Variants in CLSTN2 observed in about 807,000 individuals in gnomAD.
CLSTN2 encodes the protein calsyntenin 2.
In CLSTN2, 48 loss-of-function variants were observed where a neutral mutation model predicts 101.2. That is an observed-to-expected ratio of 0.47 (90% CI 0.38 to 0.60). CLSTN2 has a LOEUF of 0.60. Among genes scored for constraint, CLSTN2 ranks in the 20% least tolerant of loss-of-function variants. The pLI, the probability that CLSTN2 is intolerant of heterozygous loss-of-function variation, is 0.00. For missense variants in CLSTN2, 1,160 were observed against 1,238.2 expected (o/e 0.94, Z 0.95); for synonymous variants, 481 against 463.6 (o/e 1.04, Z -0.48).
intron 2 of CLSTN2, among the ~76,000 whole-genome samples, chr3:140,359,009 T>C (rs1230935837): frequency 6.6e-6 from 1 of 152,122 alleles, no homozygotes; most frequent in Non-Finnish European, 1.5e-5. Flanking sequence ...CAGACATCTA[T>C]ACCAAGAGCA....
intron 1 of CLSTN2, among the ~76,000 whole-genome samples, chr3:139,997,650 C>A (rs1210876984): frequency 6.6e-6 from 1 of 152,162 alleles, no homozygotes; most frequent in African/African-American, 2.4e-5. Context: ...TCTGGTAGGG[C>A]AAATTCCTCC....
intron 1 of CLSTN2, among the ~76,000 whole-genome samples, chr3:140,052,383 C>T (rs2008013672): frequency 6.6e-6 from 1 of 152,142 alleles, no homozygotes; most frequent in Non-Finnish European, 1.5e-5. Context: ...GCCTCTAACT[C>T]CTGACCTAGT....
chr3:140,221,404 C>A (rs1461324057), intron 2 of CLSTN2, among the ~76,000 whole-genome samples: 1 of 151,996 alleles, frequency 6.6e-6, no homozygotes, highest in African/African-American at 2.4e-5. Context: ...CACCATATTA[C>A]ATTTTTAAAT....
intron 1 of CLSTN2, among the ~76,000 whole-genome samples, chr3:140,009,750 T>C (rs1201264812): frequency 1.3e-5 from 2 of 152,266 alleles, no homozygotes; most frequent in African/African-American, 4.8e-5. Context: ...TTTGCATGCT[T>C]ATCTGATCAG....
chr3:139,943,066 C>T (rs1267113930), intron 1 of CLSTN2, among the ~76,000 whole-genome samples: 1 of 152,064 alleles, frequency 6.6e-6, no homozygotes, highest in Non-Finnish European at 1.5e-5. Context: ...GATGCCGCAG[C>T]CCCATATGTC....
intron 2 of CLSTN2, among the ~76,000 whole-genome samples, chr3:140,332,887 C>G (rs1165566745): frequency 6.6e-6 from 1 of 152,138 alleles, no homozygotes; most frequent in Non-Finnish European, 1.5e-5. Context: ...AAAGAAGGCT[C>G]AGCTGAGCAG....
At chr3:140,183,524 T>C (rs1344869552) in intron 2 of CLSTN2, among the ~76,000 whole-genome samples, 5 of 152,142 alleles carry the variant, frequency 3.3e-5, no homozygotes, top group Admixed American at 6.6e-5. Context: ...TAAAACAAGA[T>C]GAAAAGTGAA....
At chr3:139,956,033 G>A (rs890168536) in intron 1 of CLSTN2, among the ~76,000 whole-genome samples, 2 of 152,160 alleles carry the variant, frequency 1.3e-5, no homozygotes, top group African/African-American at 4.8e-5. Context: ...AGCCTCTTCT[G>A]GAGATTCCTC....
chr3:140,015,612 A>T (rs1224079304), intron 1 of CLSTN2, among the ~76,000 whole-genome samples: 1 of 152,212 alleles, frequency 6.6e-6, no homozygotes, highest in African/African-American at 2.4e-5. Context: ...CTGTCAACCT[A>T]GTTGGAGGAA....
chr3:140,487,919 C>A (rs1056308564), intron 8 of CLSTN2, among the ~76,000 whole-genome samples: 6 of 152,070 alleles, frequency 3.9e-5, no homozygotes, highest in African/African-American at 1.2e-4. Context: ...AAAGTGAGCC[C>A]ACAATAGGGT....
chr3:140,399,255 C>T (rs767022264), intron 2 of CLSTN2, among the ~76,000 whole-genome samples: 5 of 152,186 alleles, frequency 3.3e-5, no homozygotes, highest in Admixed American at 6.5e-5. Context: ...ATGTATCATC[C>T]TCCCACTGCA....
intron 11 of CLSTN2, 90 bp from the exon 12 acceptor site, chr3:140,558,549 GA>G (rs957989985): frequency 7.1e-6 from 7 of 990,582 alleles, no homozygotes; most frequent in Non-Finnish European, 1.1e-5. Context: ...GCCTTGTTAA[GA>G]ACTGGAGGTG....
chr3:140,070,941 A>G (rs934613165), intron 1 of CLSTN2, among the ~76,000 whole-genome samples: 1 of 152,216 alleles, frequency 6.6e-6, no homozygotes, highest in South Asian at 2.1e-4. Context: ...TCCCTTTAAG[A>G]AAAAGTTTGC....
At chr3:140,456,911 C>T (rs72632309) in intron 6 of CLSTN2, among the ~76,000 whole-genome samples, 13,944 of 152,208 alleles carry the variant, frequency 0.092, 1,028 homozygotes, top group Admixed American at 0.23. Context: ...CCAACCTTCC[C>T]TTGATGTCAT....
At chr3:140,310,329 C>A (rs1419574202) in intron 2 of CLSTN2, among the ~76,000 whole-genome samples, 4 of 152,004 alleles carry the variant, frequency 2.6e-5, no homozygotes, top group Non-Finnish European at 5.9e-5. Context: ...ATCTCCCCAG[C>A]CTCTGTCGCA....
intron 10 of CLSTN2, among the ~76,000 whole-genome samples, chr3:140,548,220 T>C (rs958804469): frequency 2.6e-5 from 4 of 152,212 alleles, no homozygotes; most frequent in African/African-American, 4.8e-5. Context: ...TTCTGAGATA[T>C]GAAAAGAAAT....
At chr3:140,268,423 G>T (rs2086714271) in intron 2 of CLSTN2, among the ~76,000 whole-genome samples, 1 of 152,172 alleles carries the variant, frequency 6.6e-6, no homozygotes, top group East Asian at 1.9e-4. Flanking sequence ...TGTAGCAGGA[G>T]CTTGCCTATG....
intron 1 of CLSTN2, among the ~76,000 whole-genome samples, chr3:140,012,951 T>C (rs1181849470): frequency 6.6e-6 from 1 of 151,726 alleles, no homozygotes; most frequent in Non-Finnish European, 1.5e-5. Context: ...TGAGTGGCTG[T>C]TACAACTATG....
At chr3:140,367,775 G>T (rs2087808767) in intron 2 of CLSTN2, among the ~76,000 whole-genome samples, 1 of 152,130 alleles carries the variant, frequency 6.6e-6, no homozygotes, top group Non-Finnish European at 1.5e-5. Flanking sequence ...GTATAGTTGG[G>T]AACCTCTCTG....
Sources: allele counts gnomAD v4.1 joint callset (sites outside exome capture counted in the v4.1 genomes callset), GRCh38; gene constraint gnomAD v4.1.1; transcripts MANE v1.5; gene names NCBI Gene and HGNC (gene_info 2026-07-23, HGNC 2026-07-21).